HDAC4: variants seen among roughly 807,000 people sequenced by gnomAD.
HDAC4 encodes the protein histone deacetylase A.
In HDAC4, 16 loss-of-function variants were observed where a neutral mutation model predicts 135.1. The ratio of observed to expected loss-of-function variants is 0.12; its 90% confidence interval spans 0.08 to 0.18. The LOEUF is 0.18. HDAC4 is among the 10% of genes least tolerant of loss of function. The pLI is 1.00. For missense variants in HDAC4, 1,143 were observed against 1,511.8 expected, an observed-to-expected ratio of 0.76 and a Z score of 4.05; for synonymous variants, 685 against 653.4, an observed-to-expected ratio of 1.05 and a Z score of -0.74.
chr2:239,127,692 G>T (rs929012853), intron 11 of HDAC4, among the ~76,000 whole-genome samples: 3 of 152,208 alleles, frequency 2.0e-5, no homozygotes, highest in Non-Finnish European at 4.4e-5. Flanking sequence ...AGGCCCTGGT[G>T]GGGGACTCTT....
intron 2 of HDAC4, among the ~76,000 whole-genome samples, chr2:239,282,706 GCAAA>G (rs1324131644): frequency 9.4e-6 from 1 of 106,266 alleles, no homozygotes. Flanking sequence ...ACACCACTCT[GCAAA>G]CAATGTACAC....
intron 1 of HDAC4, among the ~76,000 whole-genome samples, chr2:239,369,653 G>C (rs920323249): frequency 6.6e-6 from 1 of 152,162 alleles, no homozygotes; most frequent in African/African-American, 2.4e-5. Flanking sequence ...CGGTGTAGCT[G>C]GGCATGAAGT....
chr2:239,054,195 G>C (rs1311706770), intron 25 of HDAC4, among the ~76,000 whole-genome samples: 3 of 152,106 alleles, frequency 2.0e-5, no homozygotes, highest in Non-Finnish European at 4.4e-5. Context: ...TCAACCATCT[G>C]GGTCATCTCA....
chr2:239,136,525 G>A (rs2040967640), intron 9 of HDAC4, among the ~76,000 whole-genome samples: 1 of 152,148 alleles, frequency 6.6e-6, no homozygotes, highest in Non-Finnish European at 1.5e-5. Flanking sequence ...CAACAAAAAC[G>A]AAAACAGGCA....
In HDAC4 at chr2:239,245,887, GAC is replaced by G. The variant is rs2048431419; in HGVS notation, c.23-9225_23-9224del. Reference sequence around the variant, plus strand: ...TCCCCAGCCCCTATGTGTTCAAGCAGACACACACGTCTGGTTCACAGCTCAGC... The same window carrying G: ...TCCCCAGCCCCTATGTGTTCAAGCAGACACACGTCTGGTTCACAGCTCAGC... On this transcript the variant is annotated intron_variant, in intron 2 of 26. Transcript: ENST00000543185. The surrounding 1 kb of genome is among the most constrained non-coding windows in gnomAD (Gnocchi z 4.4). Among the ~76,000 whole-genome samples the G allele has an allele frequency of 6.6e-6, 1 of 152,278 alleles. No individual in the cohort carries two copies. Among genetic ancestry groups the G allele is most frequent in the Non-Finnish European group, 1.5e-5 (1 of 68,032 alleles).
intron 2 of HDAC4, among the ~76,000 whole-genome samples, chr2:239,260,619 C>T (rs894684534): frequency 2.6e-4 from 39 of 152,262 alleles, no homozygotes; most frequent in African/African-American, 4.3e-4. Context: ...CTGGGAGTAC[C>T]GCTTCTCTGT....
Position 239,126,437 on chromosome 2 carries a change from G to A in HDAC4, c.1533+19C>T, listed in dbSNP as rs747443912. The A allele has an allele frequency of 5.6e-6, 9 of 1,613,052 alleles. No homozygotes were observed. Among genetic ancestry groups the A allele is most frequent in the East Asian group, 2.2e-5 (1 of 44,898 alleles). On this transcript the variant is annotated intron_variant, in intron 12 of 26. Transcript: ENST00000543185. ...CACAGCCGCCCTGGGGCCTGGGAGCGCTGAGCCGGCAAACCCACCTTGTTC... is the reference window on the plus strand; with the variant it reads ...CACAGCCGCCCTGGGGCCTGGGAGCACTGAGCCGGCAAACCCACCTTGTTC...
intron 26 of HDAC4, among the ~76,000 whole-genome samples, 161 bp downstream of exon 26, chr2:239,053,299 G>A (rs375011306): frequency 1.3e-5 from 2 of 152,214 alleles, no homozygotes; most frequent in Non-Finnish European, 2.9e-5. Context: ...CTCCTCATGC[G>A]TCTCTAAGGG....
Position 239,115,404 on chromosome 2 carries a change from G to T in HDAC4, c.1534-94C>A. On this transcript the variant is annotated intron_variant, in intron 12 of 26. Transcript: ENST00000543185. This position sits in a 1 kb window ranked among gnomAD's most constrained non-coding sequence, Gnocchi z 6.3. ...GATGCTGCAAACCCCACCCTCTGGG[G>T]CAGACAATCAGGGACTCAGGGCACC... The T allele has an allele frequency of 6.6e-7, 1 of 1,518,208 alleles. No individual in the cohort carries two copies. The allele number at this position is 1,518,208 out of a possible 1,614,324, so 94.0% of individuals were successfully genotyped here. A position where few individuals can be genotyped will look rare whatever the true frequency, so the allele number is the denominator to read the frequency against.
intron 7 of HDAC4, among the ~76,000 whole-genome samples, chr2:239,145,533 G>A (rs3791484): frequency 0.79 from 119,622 of 152,026 alleles, 47,466 homozygotes; most frequent in South Asian, 0.91. Flanking sequence ...TAAAGGCAGC[G>A]ACCGGAGTCA....
At chr2:239,103,716 C>T (rs1176515907) in intron 15 of HDAC4, among the ~76,000 whole-genome samples, 3 of 152,258 alleles carry the variant, frequency 2.0e-5, no homozygotes, top group African/African-American at 7.2e-5. Context: ...TGAGCTCCTG[C>T]AGGCCTCGGT....
chr2:239,138,236 G>A (rs1022245430), intron 9 of HDAC4, among the ~76,000 whole-genome samples: 1 of 152,172 alleles, frequency 6.6e-6, no homozygotes, highest in Admixed American at 6.5e-5. Context: ...AAAAGAAATC[G>A]ATGTATGAAG....
At chr2:239,319,108 C>G (rs781574414) in intron 2 of HDAC4, among the ~76,000 whole-genome samples, 2 of 152,190 alleles carry the variant, frequency 1.3e-5, no homozygotes, top group Non-Finnish European at 2.9e-5. Context: ...GGAACTTCTG[C>G]AGGAATTTCT....
Position 239,068,572 on chromosome 2 carries a change from G to A in HDAC4, c.2786C>T (p.Pro929Leu). The change falls in exon 23 of 27, where the codon CCG becomes CTG. Residue 929 changes from proline to leucine, a missense_variant. Coordinates refer to ENST00000543185, the MANE Select transcript of HDAC4 (RefSeq NM_001378414.1). This position sits in a 1 kb window ranked among gnomAD's most constrained non-coding sequence, Gnocchi z 4.4. The stretch of plus-strand genomic sequence containing the variant: ...GCCTGATGACACCAGCACCACATCC[G>A]GGGCAAACTCGCTGGCGATCGGCAT... ...VVMPIASEFA[P>L]DVVLVSSGFD... is the part of the protein sequence containing the mutation. The A allele has an allele frequency of 6.2e-7, 1 of 1,614,022 alleles. No individual in the cohort carries two copies. Among genetic ancestry groups the A allele is most frequent in the Non-Finnish European group, 8.5e-7 (1 of 1,180,012 alleles).
intron 2 of HDAC4, among the ~76,000 whole-genome samples, chr2:239,342,802 G>A (rs1185330997): frequency 6.6e-6 from 1 of 152,156 alleles, no homozygotes; most frequent in African/African-American, 2.4e-5. Context: ...AAGCCAGCCG[G>A]GCTCAGGATC....
At chr2:239,083,534 A>C (rs75156727) in intron 20 of HDAC4, among the ~76,000 whole-genome samples, 1,525 of 152,362 alleles carry the variant, frequency 0.01, 40 homozygotes, top group African/African-American at 0.035. Flanking sequence ...ATAAATCATA[A>C]ATACCAAAGA....
chr2:239,120,909 G>A (rs1277624959), intron 12 of HDAC4, among the ~76,000 whole-genome samples: 4 of 152,132 alleles, frequency 2.6e-5, no homozygotes, highest in Non-Finnish European at 4.4e-5. Flanking sequence ...AAAAGGGTTT[G>A]TCTGTTTGCC....
Position 239,175,623 on chromosome 2 carries a change from T to C in HDAC4, c.490+790A>G, listed in dbSNP as rs551964752. Among the ~76,000 whole-genome samples the C allele has an allele frequency of 2.0e-5, 3 of 152,314 alleles. No homozygotes were observed. In the South Asian group the frequency reaches 6.2e-4, roughly 32 times the overall value. On this transcript the variant is annotated intron_variant, in intron 5 of 26. Transcript: ENST00000543185. ...CAAAATTCAGAGTGGAAGGAGCAGATAGCAAGAGCACGCTGCTGGCCCTCA... is the reference window on the plus strand; with the variant it reads ...CAAAATTCAGAGTGGAAGGAGCAGACAGCAAGAGCACGCTGCTGGCCCTCA...
intron 2 of HDAC4, among the ~76,000 whole-genome samples, chr2:239,312,634 CTT>C (rs2052938408): frequency 1.3e-5 from 2 of 152,208 alleles, no homozygotes; most frequent in Non-Finnish European, 2.9e-5. Context: ...AACATCCACA[CTT>C]GTCTTTATAA....
Sources: gnomAD v4.1 joint callset for allele counts (sites outside exome capture counted in the v4.1 genomes callset) on GRCh38, gnomAD v4.1.1 for gene constraint, Gnocchi (gnomAD v3.1) non-coding constraint, MANE v1.5 for transcripts, NCBI Gene and HGNC (gene_info 2026-07-23, HGNC 2026-07-21) for gene names.